The following NRG1 variants were observed in gnomAD, a reference collection of about 807,000 sequenced individuals.
NRG1 encodes neuregulin 1.
In NRG1, 18 loss-of-function variants were observed where a neutral mutation model predicts 63.8. That is an observed-to-expected ratio of 0.28 (90% confidence interval 0.19 to 0.42). The LOEUF (loss-of-function observed/expected upper bound fraction) is 0.42, where lower values mean the gene tolerates loss of function less well. NRG1 is among the 10% of genes least tolerant of loss of function. The pLI, the probability that NRG1 is intolerant of heterozygous loss-of-function variation, is 1.00. For synonymous variants in NRG1, 302 were observed against 301.3 expected, an observed-to-expected ratio of 1.00 and a Z score of -0.02; for missense variants, 762 against 814.7, an observed-to-expected ratio of 0.94 and a Z score of 0.79.
chr8:32,009,059 C>CTTAG (rs1411754620), intron 1 of NRG1, among the ~76,000 whole-genome samples: 1 of 152,026 alleles, frequency 6.6e-6, no homozygotes, highest in Non-Finnish European at 1.5e-5. Flanking sequence ...ATATGGTGAC[C>CTTAG]TTAGTCACAC....
chr8:32,027,466 T>TTCCTTCCCTCCCTCCCTCCC (rs1491191069), intron 1 of NRG1, among the ~76,000 whole-genome samples: 80 of 60,838 alleles, frequency 1.3e-3, no homozygotes, highest in African/African-American at 5.2e-3. Context: ...CCTTCCTTCC[T>TTCCTTCCCTCCCTCCCTCCC]TCCCTCCCTC....
At chr8:32,294,140 G>C (rs1040185582) in intron 1 of NRG1, among the ~76,000 whole-genome samples, 5 of 151,832 alleles carry the variant, frequency 3.3e-5, no homozygotes, top group Non-Finnish European at 7.4e-5. Context: ...GCCTGTCCAC[G>C]GAGGTCTCAT....
At chr8:32,543,326 T>C (rs1340748564), upstream of NRG1, among the ~76,000 whole-genome samples, 2 of 152,118 alleles carry the variant, frequency 1.3e-5, no homozygotes, top group East Asian at 1.9e-4. Context: ...CACATATGCA[T>C]ATATAAGTAT....
intron 5 of NRG1, among the ~76,000 whole-genome samples, chr8:32,718,021 CAT>C (rs1819685899): frequency 6.6e-6 from 1 of 152,164 alleles, no homozygotes; most frequent in African/African-American, 2.4e-5. Flanking sequence ...CTGTAAAAAA[CAT>C]ATCATTTCAA....
rs1813353277 is a variant in NRG1, at chr8:31,725,588, T to C, written c.37+86157T>C. Among the ~76,000 whole-genome samples, 5 of 152,196 alleles carry C rather than the reference T, an allele frequency of 3.3e-5. No homozygotes were observed. In the South Asian group the frequency reaches 1.0e-3, roughly 31 times the overall value. On this transcript the variant is annotated intron_variant, in intron 1 of 10. Coordinates refer to the NRG1 transcript ENST00000519301. ...TCAGTTTGAATAGAAAATGCTCACC[T>C]TTCTTTTTGCTAGTTTTATTCCAGA... is the stretch of plus-strand genomic sequence containing the variant.
chr8:31,951,587 T>C (rs779419056), intron 1 of NRG1, among the ~76,000 whole-genome samples: 1 of 152,234 alleles, frequency 6.6e-6, no homozygotes, highest in Non-Finnish European at 1.5e-5. Context: ...AGATTTATAA[T>C]GTCAGGAGCT....
chr8:31,972,233 A>T (rs327377), intron 1 of NRG1, among the ~76,000 whole-genome samples: 20,036 of 152,022 alleles, frequency 0.13, 3,896 homozygotes, highest in African/African-American at 0.43. Context: ...GGCCCTGGAA[A>T]TGTGCCTCCC....
intron 5 of NRG1, among the ~76,000 whole-genome samples, chr8:32,721,547 C>A (rs1199815574): frequency 6.6e-6 from 1 of 152,184 alleles, no homozygotes; most frequent in Non-Finnish European, 1.5e-5. Context: ...AGAGTTCAGT[C>A]AAGGAGAGGT....
At chr8:32,026,876 C>G (rs924721305) in intron 1 of NRG1, among the ~76,000 whole-genome samples, 1 of 152,014 alleles carries the variant, frequency 6.6e-6, no homozygotes, top group Non-Finnish European at 1.5e-5. Context: ...TTAAAGTATT[C>G]ACTTTTCTCT....
At position 31,943,226 on chromosome 8, in the gene NRG1, A is replaced by G. The variant is rs368666687; in HGVS notation, c.37+303795A>G. Reference sequence around the variant, plus strand: ...GCCATAAAAGCAACAAAATAATGACATTTGTAGCAACCTGGATGGAATTGG... The same window carrying G: ...GCCATAAAAGCAACAAAATAATGACGTTTGTAGCAACCTGGATGGAATTGG... On this transcript the variant is annotated intron_variant, in intron 1 of 10. Coordinates refer to the NRG1 transcript ENST00000519301. Among the ~76,000 whole-genome samples the G allele has an allele frequency of 6.6e-5, 10 of 152,292 alleles. No individual in the cohort carries two copies. The East Asian group carries it at 1.2e-3, about 18-fold the overall frequency.
intron 1 of NRG1, among the ~76,000 whole-genome samples, chr8:31,941,592 G>C (rs1441251610): frequency 6.6e-6 from 1 of 152,114 alleles, no homozygotes; most frequent in Admixed American, 6.5e-5. Flanking sequence ...TGGTAAAGAA[G>C]ACATCAAATT....
intron 1 of NRG1, among the ~76,000 whole-genome samples, chr8:31,865,675 C>T (rs1828893283): frequency 6.6e-6 from 1 of 152,030 alleles, no homozygotes; most frequent in African/African-American, 2.4e-5. Context: ...TGTGTTTGCT[C>T]CCCCTTCTGC....
chr8:32,451,808 G>T (rs984786838), intron 1 of NRG1, among the ~76,000 whole-genome samples: 2 of 152,098 alleles, frequency 1.3e-5, no homozygotes, highest in African/African-American at 4.8e-5. Flanking sequence ...ATGAAGTTCA[G>T]GTGTTCACCT....
Position 32,754,375 on chromosome 8 carries a change from C to T in NRG1, c.695C>T (p.Ala232Val), listed in dbSNP as rs765166442. The change falls in exon 8 of 12, where the codon GCG (alanine) becomes GTG (valine). Residue 232 changes from alanine (A) to valine (V), a missense_variant. Ala to Val is a moderately conservative substitution (Grantham distance 64). This residue lies in a region of NRG1 where 122 missense variants were observed against 190.1 expected (regional missense o/e 0.64). Transcript: ENST00000356819. The stretch of plus-strand genomic sequence containing the variant: ...ATCTGCTCTCATCCCTTTCCAGAGG[C>T]GGAGGAGCTGTACCAGAAGAGAGTG... 4.0e-5 allele frequency: 65 copies of T among 1,613,420 alleles called. No individual in the cohort carries two copies. In the Middle Eastern group the frequency reaches 4.9e-4, roughly 12 times the overall value.
chr8:32,324,342 G>C (rs929707936), intron 1 of NRG1, among the ~76,000 whole-genome samples: 1 of 152,146 alleles, frequency 6.6e-6, no homozygotes, highest in Non-Finnish European at 1.5e-5. Flanking sequence ...TTGCTCATTT[G>C]CTTCTTCTGT....
chr8:32,638,071 C>T (rs1171184462), intron 5 of NRG1, among the ~76,000 whole-genome samples: 1 of 152,126 alleles, frequency 6.6e-6, no homozygotes, highest in East Asian at 1.9e-4. Flanking sequence ...TAAAAGCTTT[C>T]CTTTGTAGAA....
At chr8:31,675,169 C>G (rs1267446513) in intron 1 of NRG1, among the ~76,000 whole-genome samples, 1 of 152,166 alleles carries the variant, frequency 6.6e-6, no homozygotes, top group African/African-American at 2.4e-5. Flanking sequence ...ATGGTGAAAC[C>G]CCATCTCTAT....
At chr8:31,711,227 T>C (rs796575868) in intron 1 of NRG1, among the ~76,000 whole-genome samples, 7 of 152,334 alleles carry the variant, frequency 4.6e-5, no homozygotes, top group African/African-American at 1.7e-4. Context: ...AAATCTTTTC[T>C]ATTATTTCCC....
At chr8:31,826,536 A>T (rs551889770) in intron 1 of NRG1, among the ~76,000 whole-genome samples, 3 of 152,206 alleles carry the variant, frequency 2.0e-5, no homozygotes, top group Non-Finnish European at 4.4e-5. Context: ...GAGTCCATTA[A>T]TACTCTTTTC....
Sources: gnomAD v4.1 joint callset for allele counts (sites outside exome capture counted in the v4.1 genomes callset) on GRCh38, gnomAD v4.1.1 for gene constraint, gnomAD v4.1.1 regional missense constraint, MANE v1.5 for transcripts, NCBI Gene and HGNC (gene_info 2026-07-23, HGNC 2026-07-21) for gene names.